SLC45A2: variants seen among roughly 807,000 people sequenced by gnomAD.
SLC45A2 encodes membrane-associated transporter protein.
In SLC45A2, 36 loss-of-function variants were observed where a neutral mutation model predicts 45.5. The ratio of observed to expected loss-of-function variants is 0.79; its 90% CI spans 0.61 to 1.04. The LOEUF (loss-of-function observed/expected upper bound fraction) is 1.04. Among genes scored for constraint, SLC45A2 ranks in the 50% least tolerant of loss-of-function variants. The probability of loss-of-function intolerance (pLI) is 0.00; values close to 1 mark genes in which losing one functional copy is unlikely to be tolerated. For missense variants in SLC45A2, 719 were observed against 671.0 expected (o/e 1.07, Z -0.79); for synonymous variants, 306 against 269.3 (o/e 1.14, Z -1.33).
rs778521952 is a variant in SLC45A2 at position 33,963,971 on chromosome 5, G to T, written c.608C>A (p.Ala203Asp). The T allele has an allele frequency of 8.7e-6, 14 of 1,613,938 alleles. No homozygotes were observed. The South Asian group carries it at 1.5e-4, about 18-fold the overall frequency. Reference sequence around the variant, plus strand: ...CAACAGTCTTCCCAGCTCCAGATGGGCCCAGTCTATAGCACCCAAAAGGTA... The same window carrying T: ...CAACAGTCTTCCCAGCTCCAGATGGTCCCAGTCTATAGCACCCAAAAGGTA... ...LGYLLGAIDW[A>D]HLELGRLLGT... The change falls in exon 3 of 7, where the codon GCC (alanine) becomes GAC (aspartate). Residue 203 changes from alanine (A) to aspartate (D), a missense_variant. Transcript: ENST00000296589.
intron 6 of SLC45A2, chr5:33,946,731 A>C: frequency 9.3e-7 from 1 of 1,073,424 alleles, no homozygotes; most frequent in Non-Finnish European, 1.1e-6. Context: ...AAATTCCACT[A>C]TGTACCTCTG....
At chr5:33,951,159 T>G (rs1238686698) in intron 5 of SLC45A2, among the ~76,000 whole-genome samples, 1 of 152,228 alleles carries the variant, frequency 6.6e-6, no homozygotes, top group African/African-American at 2.4e-5. Flanking sequence ...CCTGTCATAT[T>G]AATATTGCTT....
chr5:33,971,371 C>T, intron 2 of SLC45A2: 1 of 491,194 alleles, frequency 2.0e-6, no homozygotes, highest in South Asian at 1.5e-5. Context: ...TTATGTGGAC[C>T]ACCATAAACA....
At chr5:33,969,065 C>CTCTCTGTATG in intron 2 of SLC45A2, among the ~76,000 whole-genome samples, 1 of 102,392 alleles carries the variant, frequency 9.8e-6, no homozygotes, top group Non-Finnish European at 2.0e-5. Flanking sequence ...CTCTCTCTCT[C>CTCTCTGTATG]TGTGTGTGTG....
chr5:33,947,217 C>G lies in SLC45A2; in HGVS notation c.1314G>C (p.Leu438=), dbSNP rs1289234311. 2 of 1,614,118 alleles carry G rather than the reference C, an allele frequency of 1.2e-6. No homozygotes were observed. Among genetic ancestry groups the G allele is most frequent in the African/African-American group, 2.7e-5 (2 of 74,942 alleles). The part of the protein sequence containing the change: ...CSLFGVMSST[L]YTVPFNLITE... ...TAATGAGGTTAAAGGGCACAGTGTA[C>G]AGGGTGCTGGACATTACACCAAACA... Residue 438 remains leucine (L), a synonymous_variant, in exon 6 of 7, where the codon CTG becomes CTC. Transcript: ENST00000296589.
chr5:33,957,815 C>T (rs1334817177), intron 3 of SLC45A2, among the ~76,000 whole-genome samples: 2 of 152,158 alleles, frequency 1.3e-5, no homozygotes, highest in African/African-American at 2.4e-5. Context: ...ATGCTTCTGA[C>T]TTATACATAA....
At chr5:33,980,981 G>A (rs1753057286) in intron 2 of SLC45A2, among the ~76,000 whole-genome samples, 1 of 152,208 alleles carries the variant, frequency 6.6e-6, no homozygotes, top group African/African-American at 2.4e-5. Context: ...AGGTATGATG[G>A]GCTGGGCTGA....
At position 33,984,460 on chromosome 5, in the gene SLC45A2, T is replaced by C; in HGVS notation, c.124A>G (p.Met42Val). The change falls in exon 1 of 7, where the codon ATG (methionine) becomes GTG (valine). Residue 42 changes from methionine (M) to valine (V), a missense_variant. Transcript: ENST00000296589. ...TSRLIMHSMA[M>V]FGREFCYAVE... ...GCGTAGCAGAACTCTCTTCCGAACA[T>C]GGCCATGCTGTGCATGATGAGTCTG... The C allele has an allele frequency of 1.2e-6, 2 of 1,613,786 alleles. No individual in the cohort carries two copies. Among genetic ancestry groups the C allele is most frequent in the South Asian group, 1.1e-5 (1 of 91,078 alleles).
chr5:33,948,522 C>T (rs1051133209), intron 5 of SLC45A2, among the ~76,000 whole-genome samples: 3 of 152,160 alleles, frequency 2.0e-5, no homozygotes, highest in Admixed American at 6.5e-5. Flanking sequence ...ACCTTGTAGA[C>T]AAGCAACCTT....
intron 3 of SLC45A2, among the ~76,000 whole-genome samples, chr5:33,962,392 A>C (rs1348963526): frequency 6.6e-6 from 1 of 152,242 alleles, no homozygotes; most frequent in African/African-American, 2.4e-5. Flanking sequence ...TGTATGCTTT[A>C]TCTTAGTTGA....
At chr5:33,959,756 A>G (rs1561362026) in intron 3 of SLC45A2, among the ~76,000 whole-genome samples, 3 of 152,302 alleles carry the variant, frequency 2.0e-5, no homozygotes, top group Non-Finnish European at 4.4e-5. Flanking sequence ...TCGTTTCAGC[A>G]GATCATACTC....
chr5:33,984,501 G>A lies in SLC45A2; in HGVS notation c.83C>T (p.Pro28Leu). The part of the protein sequence containing the change: ...DDGPFDSVEP[P>L]KRPTSRLIMH... ...GATGAGTCTGCTGGTGGGTCTTTTA[G>A]GCGGCTCCACAGAGTCAAAGGGGCC... The change falls in exon 1 of 7, where the codon CCT becomes CTT. Residue 28 changes from proline (P) to leucine (L), a missense_variant. Transcript: ENST00000296589. 1 of 1,613,274 alleles carries A rather than the reference G, an allele frequency of 6.2e-7. No individual in the cohort carries two copies.
chr5:33,948,371 G>C (rs1289014924), intron 5 of SLC45A2, among the ~76,000 whole-genome samples: 1 of 152,182 alleles, frequency 6.6e-6, no homozygotes, highest in African/African-American at 2.4e-5. Context: ...TCCCTCAGTC[G>C]TTTTTAATCC....
In SLC45A2 at chr5:33,984,621, C is replaced by T. The variant is rs748840815; in HGVS notation, c.-38G>A. ...AGGAACCTTCCTGCGAGCCCACCAC[C>T]TCCTGCGTGGTCCTAGGGTCTGTGT... On this transcript the variant is annotated 5_prime_UTR_variant, in exon 1 of 7. Coordinates refer to ENST00000296589, the MANE Select transcript of SLC45A2 (RefSeq NM_016180.5). 1.9e-6 allele frequency: 3 copies of T among 1,603,252 alleles called. No homozygotes were observed. The highest frequency in any genetic ancestry group is 2.0e-4 in the Middle Eastern group (1 of 5,074).
chr5:33,964,932 G>A (rs1752561558), intron 2 of SLC45A2, among the ~76,000 whole-genome samples: 1 of 152,156 alleles, frequency 6.6e-6, no homozygotes. Context: ...TGATAAAGGT[G>A]GGGAGATAGC....
intron 2 of SLC45A2, chr5:33,971,334 GGAATAATA>G (rs960085795): frequency 2.3e-5 from 12 of 512,430 alleles, no homozygotes; most frequent in East Asian, 1.1e-4. Context: ...CCAACTTGTA[GGAATAATA>G]CCTCCAAAAG....
intron 3 of SLC45A2, among the ~76,000 whole-genome samples, chr5:33,960,060 T>C (rs570033454): frequency 6.6e-6 from 1 of 152,160 alleles, no homozygotes; most frequent in Admixed American, 6.6e-5. Flanking sequence ...CTTAGCTAAA[T>C]GTAATGTGGT....
At chr5:33,963,022 T>C (rs1438644941) in intron 3 of SLC45A2, among the ~76,000 whole-genome samples, 6 of 152,260 alleles carry the variant, frequency 3.9e-5, no homozygotes, top group African/African-American at 1.4e-4. Context: ...CTAGAAGCCC[T>C]ATGGGGCCTT....
Position 33,982,296 on chromosome 5 carries a change from A to G in SLC45A2, c.502T>C (p.Phe168Leu). ...TTGTCCTGATGGGAGCAGACATCAA[A>G]TAAGTAGGCTTTGATGGGCCCATCA... Reference protein sequence around the residue: ...FIDGPIKAYLFDVCSHQDKEK... With the variant: ...FIDGPIKAYLLDVCSHQDKEK... Residue 168 changes from phenylalanine (F) to leucine (L), a missense_variant, in exon 2 of 7, where the codon TTT becomes CTT. Transcript: ENST00000296589. 6.2e-7 allele frequency: 1 copy of G among 1,614,174 alleles called. No homozygotes were observed. The highest frequency in any genetic ancestry group is 8.5e-7 in the Non-Finnish European group (1 of 1,180,022).
Sources: allele counts gnomAD v4.1 joint callset (sites outside exome capture counted in the v4.1 genomes callset), GRCh38; gene constraint gnomAD v4.1.1; transcripts MANE v1.5; gene names NCBI Gene and HGNC (gene_info 2026-07-23, HGNC 2026-07-21).